CCDC15: variants seen among roughly 807,000 people sequenced by gnomAD.
CCDC15 encodes the protein coiled-coil domain containing 15.
Under a neutral mutation model 114.5 loss-of-function variants are expected in CCDC15, and 105 were observed. The observed-to-expected ratio is 0.92, with a 90% CI of 0.78 to 1.08. The LOEUF (loss-of-function observed/expected upper bound fraction) is 1.08, where lower values mean the gene tolerates loss of function less well. CCDC15 is among the 50% of genes least tolerant of loss of function. The probability of loss-of-function intolerance (pLI) is 0.00; values close to 1 mark genes in which losing one functional copy is unlikely to be tolerated. For synonymous variants in CCDC15, 334 were observed against 377.8 expected, an observed-to-expected ratio of 0.88 and a Z score of 1.34; for missense variants, 1,105 against 1,093.6, an observed-to-expected ratio of 1.01 and a Z score of -0.15.
chr11:124,984,605 G>A lies in CCDC15; in HGVS notation c.754-2137G>A, dbSNP rs182855800. 1.6e-4 allele frequency among the ~76,000 whole-genome samples: 25 copies of A among 152,212 alleles called. No individual in the cohort carries two copies. In the East Asian group the frequency reaches 4.4e-3, roughly 27 times the overall value. ...TAGGCTTTGCACCGGCTGGAATTCT[G>A]CCCACCACCTCTCTAAGCAGCTCTC... On this transcript the variant is annotated intron_variant, in intron 6 of 15. Coordinates refer to ENST00000344762, the MANE Select transcript of CCDC15 (RefSeq NM_025004.3).
At chr11:124,959,742 T>TAAAA in intron 3 of CCDC15, 73 bp from the exon 4 acceptor site, 1 of 398,420 alleles carries the variant, frequency 2.5e-6, no homozygotes, top group Non-Finnish European at 4.2e-6. Flanking sequence ...TCTTCTGAAC[T>TAAAA]GCTTTAGAGG....
intron 13 of CCDC15, among the ~76,000 whole-genome samples, chr11:125,031,851 G>A (rs1319676445): frequency 6.6e-6 from 1 of 152,198 alleles, no homozygotes; most frequent in African/African-American, 2.4e-5. Flanking sequence ...CAGCCTTTCA[G>A]GTCACTCGAT....
chr11:125,008,780 C>T (rs1007546518), intron 13 of CCDC15, among the ~76,000 whole-genome samples: 4 of 151,800 alleles, frequency 2.6e-5, no homozygotes, highest in African/African-American at 9.7e-5. Context: ...GCAACCTCCG[C>T]CTCCCTGGTT....
Position 124,988,026 on chromosome 11 carries a change from A to G in CCDC15, c.1800A>G (p.Leu600=). The change falls in exon 8 of 16, where the codon CTA becomes CTG. Residue 600 remains leucine, a synonymous_variant. Transcript: ENST00000344762. ...QGYLPKDQNI[L]PICQDRDFLP... ...ATCTTCCTAAAGACCAAAATATTCT[A>G]CCCATATGTCAGGACCGGGATTTTC... 6.2e-7 allele frequency: 1 copy of G among 1,613,796 alleles called. No individual in the cohort carries two copies. Among genetic ancestry groups the G allele is most frequent in the Non-Finnish European group, 8.5e-7 (1 of 1,179,736 alleles).
intron 15 of CCDC15, 58 bp from the exon 16 acceptor site, chr11:125,040,532 C>T (rs1948808554): frequency 1.1e-5 from 16 of 1,520,420 alleles, no homozygotes; most frequent in Non-Finnish European, 1.3e-5. Flanking sequence ...AAGATAGAGG[C>T]TGGTAGAGTT....
intron 11 of CCDC15, 149 bp from the exon 12 acceptor site, chr11:125,003,717 GA>G (rs1948515183): frequency 1.9e-6 from 1 of 517,546 alleles, no homozygotes; most frequent in Non-Finnish European, 3.4e-6. Context: ...ATTCTTTTTT[GA>G]TTTTATTCTT....
chr11:125,032,090 C>T (rs1948743165), intron 13 of CCDC15, among the ~76,000 whole-genome samples: 1 of 152,156 alleles, frequency 6.6e-6, no homozygotes, highest in Admixed American at 6.5e-5. Flanking sequence ...GTGCAAATGT[C>T]TCACCAATAA....
Position 125,010,278 on chromosome 11 carries a change from A to G in CCDC15, c.2411+5066A>G, listed in dbSNP as rs981792766. Among the ~76,000 whole-genome samples the G allele has an allele frequency of 9.2e-5, 14 of 151,800 alleles. No homozygotes were observed. The East Asian group carries it at 2.5e-3, about 27-fold the overall frequency. ...TCTCTGATGATTAGTGATGTGGAAC[A>G]TATTTTCATGTTTATTGGCCACTTG... On this transcript the variant is annotated intron_variant, in intron 13 of 15. Transcript: ENST00000344762.
intron 6 of CCDC15, among the ~76,000 whole-genome samples, chr11:124,980,159 G>A (rs1227334819): frequency 6.6e-6 from 1 of 152,084 alleles, no homozygotes; most frequent in Non-Finnish European, 1.5e-5. Context: ...TGCACTGCTG[G>A]ATTTGGTTTG....
intron 13 of CCDC15, among the ~76,000 whole-genome samples, chr11:125,011,245 A>ATTTTTTTTTT (rs774447198): frequency 3.3e-4 from 49 of 146,460 alleles, no homozygotes; most frequent in African/African-American, 1.1e-3. Context: ...TATTATTATT[A>ATTTTTTTTTT]TTATTTTTTA....
rs369253506 is a variant in CCDC15, at chr11:125,013,927, C to G, written c.2411+8715C>G. ...CAGAGCTTTTGGTGGTCTGAAGGAGCTGCAGTAACAAAATTGGAGACTCAA... is the reference window on the plus strand; with the variant it reads ...CAGAGCTTTTGGTGGTCTGAAGGAGGTGCAGTAACAAAATTGGAGACTCAA... On this transcript the variant is annotated intron_variant, in intron 13 of 15. Transcript: ENST00000344762. Among the ~76,000 whole-genome samples the G allele has an allele frequency of 3.3e-5, 5 of 152,284 alleles. No homozygotes were observed. The East Asian group carries it at 7.7e-4, about 23-fold the overall frequency.
At chr11:124,961,613 G>A (rs942909327) in intron 4 of CCDC15, among the ~76,000 whole-genome samples, 6 of 152,116 alleles carry the variant, frequency 3.9e-5, no homozygotes, top group African/African-American at 1.4e-4. Flanking sequence ...TCCTCCTCCT[G>A]AGTTCAAGAG....
intron 8 of CCDC15, among the ~76,000 whole-genome samples, chr11:124,990,144 G>A (rs1236314380): frequency 1.3e-5 from 2 of 152,142 alleles, no homozygotes; most frequent in East Asian, 3.9e-4. Context: ...GACCATTGTA[G>A]GGTTATTAAT....
At chr11:124,970,463 T>C (rs1179576545) in intron 4 of CCDC15, among the ~76,000 whole-genome samples, 1 of 152,252 alleles carries the variant, frequency 6.6e-6, no homozygotes, top group African/African-American at 2.4e-5. Context: ...CTGAAAAGTC[T>C]AACACATTTA....
rs1948291031 is a variant in CCDC15, at chr11:124,992,655, A to G, written c.2107A>G (p.Lys703Glu). The change falls in exon 10 of 16, where the codon AAA (lysine) becomes GAA (glutamate). Residue 703 changes from lysine to glutamate, a missense_variant. Coordinates refer to ENST00000344762, the MANE Select transcript of CCDC15 (RefSeq NM_025004.3). ...GGACTATCATCAATATGTTGTACCT[A>G]AAATCCAGGACCAAGACTCCCCTAG... The part of the protein sequence containing the change: ...PLDYHQYVVP[K>E]IQDQDSPREQ... 2.5e-6 allele frequency: 4 copies of G among 1,593,842 alleles called. No individual in the cohort carries two copies. Among genetic ancestry groups the G allele is most frequent in the Non-Finnish European group, 3.4e-6 (4 of 1,168,732 alleles).
intron 11 of CCDC15, among the ~76,000 whole-genome samples, chr11:124,999,365 A>C (rs1948432836): frequency 6.6e-6 from 1 of 151,674 alleles, no homozygotes; most frequent in Non-Finnish European, 1.5e-5. Flanking sequence ...TGTACTAATT[A>C]TTTTCTCCTT....
At chr11:125,015,046 A>C (rs1483386245) in intron 13 of CCDC15, among the ~76,000 whole-genome samples, 1 of 152,172 alleles carries the variant, frequency 6.6e-6, no homozygotes, top group Non-Finnish European at 1.5e-5. Context: ...GCAATTAGGA[A>C]ATACTTTTGA....
intron 6 of CCDC15, 52 bp from the exon 7 acceptor site, chr11:124,986,690 T>TGC: frequency 7.4e-7 from 1 of 1,352,388 alleles, no homozygotes; most frequent in African/African-American, 1.7e-5. Flanking sequence ...TGTGTGTGTG[T>TGC]TTGTGTGTGT....
chr11:125,039,055 A>G lies in CCDC15; in HGVS notation c.2720A>G (p.Tyr907Cys), dbSNP rs746737990. The G allele has an allele frequency of 2.3e-5, 37 of 1,597,434 alleles. No individual in the cohort carries two copies. The East Asian group carries it at 3.8e-4, about 16-fold the overall frequency. Reference protein sequence around the residue: ...PDTCANNCIFYKNHRAYTRAL... With the variant: ...PDTCANNCIFCKNHRAYTRAL... ...ACCTGTGCCAACAACTGTATTTTCTATAAAAACCACAGAGGTAAGTTTCTT... is the reference window on the plus strand; with the variant it reads ...ACCTGTGCCAACAACTGTATTTTCTGTAAAAACCACAGAGGTAAGTTTCTT... Residue 907 changes from tyrosine to cysteine, a missense_variant, in exon 15 of 16, where the codon TAT (tyrosine) becomes TGT (cysteine). Transcript: ENST00000344762.
Sources: gnomAD v4.1 joint callset for allele counts (sites outside exome capture counted in the v4.1 genomes callset) on GRCh38, gnomAD v4.1.1 for gene constraint, MANE v1.5 for transcripts, NCBI Gene and HGNC (gene_info 2026-07-23, HGNC 2026-07-21) for gene names.